The following ASL variants were observed in gnomAD, a reference collection of about 807,000 sequenced individuals.
ASL encodes the protein argininosuccinate lyase.
Under a neutral mutation model 69.1 loss-of-function variants are expected in ASL, and 51 were observed. That is an observed-to-expected ratio of 0.74 (90% confidence interval 0.59 to 0.93). The LOEUF (loss-of-function observed/expected upper bound fraction) is 0.93. Among genes scored for constraint, ASL ranks in the 40% least tolerant of loss-of-function variants. The pLI, the probability that ASL is intolerant of heterozygous loss-of-function variation, is 0.00. For missense variants in ASL, 540 were observed against 623.9 expected (o/e 0.87, Z 1.43); for synonymous variants, 241 against 247.6 (o/e 0.97, Z 0.25).
chr7:66,084,455 C>T (rs949932165), intron 6 of ASL, among the ~76,000 whole-genome samples: 1 of 152,112 alleles, frequency 6.6e-6, no homozygotes, highest in Middle Eastern at 3.4e-3. Flanking sequence ...AGCCACTGCG[C>T]TCAGCTTAAT....
At position 66,089,571 on chromosome 7, in the gene ASL, G is replaced by T. The variant is rs370109609; in HGVS notation, c.979-41G>T. ...GGGGCTGTGGGGACCCTGGGTGCCA[G>T]GGGGCTGCTAGGCCCTCACCTCCTG... On this transcript the variant is annotated intron_variant, in intron 13 of 16. Coordinates refer to ENST00000304874, the MANE Select transcript of ASL (RefSeq NM_000048.4). 53 of 1,607,190 alleles carry T rather than the reference G, an allele frequency of 3.3e-5. No individual in the cohort carries two copies. In the African/African-American group the frequency reaches 4.5e-4, roughly 14 times the overall value.
intron 6 of ASL, among the ~76,000 whole-genome samples, chr7:66,084,745 G>A (rs1323262141): frequency 2.0e-5 from 3 of 151,972 alleles, no homozygotes; most frequent in African/African-American, 4.8e-5. Context: ...TCAGCCTCCC[G>A]AGTAGCTGGG....
At chr7:66,089,783 G>T (rs770980513) in intron 14 of ASL, 88 bp downstream of exon 14, 3 of 1,453,250 alleles carry the variant, frequency 2.1e-6, no homozygotes, top group Non-Finnish European at 2.8e-6. Flanking sequence ...AGGAGGTGAG[G>T]TGGGGCTGGA....
At position 66,076,320 on chromosome 7, in the gene ASL, C is replaced by G. The variant is rs1144895; in HGVS notation, c.12+227C>G. 0.6 allele frequency among the ~76,000 whole-genome samples: 90,500 copies of G among 152,050 alleles called. 27,423 individuals carry two copies. Among genetic ancestry groups the G allele is most frequent in the African/African-American group, 0.69 (28,482 of 41,498 alleles). On this transcript the variant is annotated intron_variant, in intron 2 of 16. Transcript: ENST00000304874. ...GCAGGCAGCCCTTGTGGCAAACCCA[C>G]CAACCCACACTACTAGGGGTAGAGT...
intron 12 of ASL, 48 bp downstream of exon 12, chr7:66,089,223 G>C (rs1162007391): frequency 1.9e-6 from 3 of 1,612,072 alleles, no homozygotes; most frequent in Non-Finnish European, 2.5e-6. Flanking sequence ...GATGGTGGGT[G>C]GCCAGGGGGG....
intron 2 of ASL, among the ~76,000 whole-genome samples, chr7:66,078,998 C>T (rs1248113802): frequency 1.3e-5 from 2 of 152,150 alleles, no homozygotes; most frequent in African/African-American, 4.8e-5. Flanking sequence ...CAAGCTCCGC[C>T]TCCCGGGTTC....
chr7:66,078,177 G>A (rs746483185), intron 2 of ASL, among the ~76,000 whole-genome samples: 3 of 152,166 alleles, frequency 2.0e-5, no homozygotes, highest in Non-Finnish European at 4.4e-5. Flanking sequence ...TGGGGGAGGC[G>A]GTGCCAGGCT....
In ASL at chr7:66,092,634, G is replaced by A. The variant is rs1562745249; in HGVS notation, c.1221G>A (p.Gln407=). 6.2e-7 allele frequency: 1 copy of A among 1,613,618 alleles called. No homozygotes were observed. The highest frequency in any genetic ancestry group is 1.7e-5 in the Admixed American group (1 of 59,996). ...AGACCAAGGGGGTCGCCCTCAACCA[G>A]CTGTCACTGCAGGAGCTGCAGACCA... is the stretch of plus-strand genomic sequence containing the variant. ...MAETKGVALN[Q]LSLQELQTIS... is the part of the protein sequence containing the mutation. The change falls in exon 16 of 17, where the codon CAG becomes CAA. Residue 407 remains glutamine (Q), a synonymous_variant. Coordinates refer to ENST00000304874, the MANE Select transcript of ASL (RefSeq NM_000048.4).
rs1024634247 is a variant in ASL, at chr7:66,088,745, C to A, written c.719-62C>A. ...CCCACCGCCTAACCTCCTCCTGCCC[C>A]CTGTATGGTCAGGCTGGGTGGGGAT... is the stretch of plus-strand genomic sequence containing the variant. On this transcript the variant is annotated intron_variant, in intron 10 of 16. Coordinates refer to ENST00000304874, the MANE Select transcript of ASL (RefSeq NM_000048.4). 3.7e-5 allele frequency: 53 copies of A among 1,431,932 alleles called. 1 individual carries two copies. The African/African-American group carries it at 7.3e-4, about 20-fold the overall frequency. 88.7% of individuals were successfully genotyped at this position (1,431,932 alleles called of 1,614,324 possible).
chr7:66,092,928 C>G lies in ASL; in HGVS notation c.*16C>G. 6.2e-7 allele frequency: 1 copy of G among 1,601,020 alleles called. No individual in the cohort carries two copies. Among genetic ancestry groups the G allele is most frequent in the East Asian group, 2.2e-5 (1 of 44,742 alleles). On this transcript the variant is annotated 3_prime_UTR_variant, in exon 17 of 17. Coordinates refer to ENST00000304874, the MANE Select transcript of ASL (RefSeq NM_000048.4). ...GCAGGCCTAGGTCCTCCCACACCTG[C>G]CCCCTAATAAAGTGGGCGCGAGAGG...
rs566034012 is a variant in ASL, at chr7:66,084,162, TTG to T, written c.446+990_446+991del. Among the ~76,000 whole-genome samples the T allele has an allele frequency of 4.2e-3, 640 of 151,202 alleles. 6 individuals carry two copies. Among genetic ancestry groups the T allele is most frequent in the African/African-American group, 0.013 (553 of 41,102 alleles). Reference sequence around the variant, plus strand: ...AATTTTTTGTTGTTGTTGTTTGTTGTTGTTTTTTTTTTTTTGAGACAGGGTTT... The same window carrying T: ...AATTTTTTGTTGTTGTTGTTTGTTGTTTTTTTTTTTTTTGAGACAGGGTTT... On this transcript the variant is annotated intron_variant, in intron 6 of 16. Coordinates refer to ENST00000304874, the MANE Select transcript of ASL (RefSeq NM_000048.4).
Position 66,089,140 on chromosome 7 carries a change from C to A in ASL, c.883C>A (p.Leu295Met). The change falls in exon 12 of 17, where the codon CTG becomes ATG. Residue 295 changes from leucine (L) to methionine (M), a missense_variant. Transcript: ENST00000304874. Reference sequence around the variant, plus strand: ...GAAGAAAAACCCCGACAGTTTGGAGCTGATCCGGAGCAAGGCTGGGCGTGT... The same window carrying A: ...GAAGAAAAACCCCGACAGTTTGGAGATGATCCGGAGCAAGGCTGGGCGTGT... Reference protein sequence around the residue: ...PQKKNPDSLELIRSKAGRVFG... With the variant: ...PQKKNPDSLEMIRSKAGRVFG... 1 of 1,614,004 alleles carries A rather than the reference C, an allele frequency of 6.2e-7. No individual in the cohort carries two copies. Among genetic ancestry groups the A allele is most frequent in the Non-Finnish European group, 8.5e-7 (1 of 1,179,964 alleles).
rs1434980891 is a variant in ASL at position 66,091,966 on chromosome 7, G to A, written c.1063-40G>A. 4 of 1,610,246 alleles carry A rather than the reference G, an allele frequency of 2.5e-6. No individual in the cohort carries two copies. The African/African-American group carries it at 5.3e-5, about 21-fold the overall frequency. On this transcript the variant is annotated intron_variant, in intron 14 of 16. Coordinates refer to ENST00000304874, the MANE Select transcript of ASL (RefSeq NM_000048.4). ...CTGGGCCTGGCAGCTTCAGATCCCAGGGTCCCCAGGGCTCACCACTCGCCC... is the reference window on the plus strand; with the variant it reads ...CTGGGCCTGGCAGCTTCAGATCCCAAGGTCCCCAGGGCTCACCACTCGCCC...
In ASL at chr7:66,083,833, G is replaced by A. The variant is rs1480727184; in HGVS notation, c.446+659G>A. On this transcript the variant is annotated intron_variant, in intron 6 of 16. Transcript: ENST00000304874. Reference sequence around the variant, plus strand: ...CCCCAGATCCCCCATCCTAAGCTTCGCCTCCCCATCCAGCCCATCTGGCAA... The same window carrying A: ...CCCCAGATCCCCCATCCTAAGCTTCACCTCCCCATCCAGCCCATCTGGCAA... Among the ~76,000 whole-genome samples the A allele has an allele frequency of 3.9e-5, 6 of 151,948 alleles. No individual in the cohort carries two copies. In the South Asian group the frequency reaches 8.3e-4, roughly 21 times the overall value.
At chr7:66,089,243 G>C (rs756280770) in intron 12 of ASL, 33 bp from the exon 13 acceptor site, 16 of 1,611,080 alleles carry the variant, frequency 9.9e-6, no homozygotes, top group Non-Finnish European at 1.4e-5. Context: ...GCAGGATCCC[G>C]GGTCCAGCCC....
At chr7:66,091,935 C>G in intron 14 of ASL, 71 bp from the exon 15 acceptor site, 1 of 1,525,380 alleles carries the variant, frequency 6.6e-7, no homozygotes, top group South Asian at 1.1e-5. Flanking sequence ...GGCAGAGGGG[C>G]AGGTCCTGGG....
rs374707334 is a variant in ASL, at chr7:66,076,409, C to A, written c.12+316C>A. ...GGAAAAGTGGCTCCCAAGCCTTCAG[C>A]CTTCCAACTCTTCCTTCCTTCTTAC... On this transcript the variant is annotated intron_variant, in intron 2 of 16. Transcript: ENST00000304874. 7.2e-5 allele frequency among the ~76,000 whole-genome samples: 11 copies of A among 152,342 alleles called. No homozygotes were observed. In the South Asian group the frequency reaches 8.3e-4, roughly 11 times the overall value.
At chr7:66,091,148 A>C (rs780892231) in intron 14 of ASL, among the ~76,000 whole-genome samples, 228 of 151,704 alleles carry the variant, frequency 1.5e-3, no homozygotes, top group Non-Finnish European at 2.0e-3. Context: ...TAGTCCCCCA[A>C]CTAGCAGCAC....
At chr7:66,088,626 G>A (rs528115065) in intron 10 of ASL, among the ~76,000 whole-genome samples, 181 bp from the exon 11 acceptor site, 127 of 152,300 alleles carry the variant, frequency 8.3e-4, no homozygotes, top group Non-Finnish European at 1.6e-3. Flanking sequence ...GGAGGCCAAA[G>A]CAGAAGGATT....
Sources: allele counts gnomAD v4.1 joint callset (sites outside exome capture counted in the v4.1 genomes callset), GRCh38; gene constraint gnomAD v4.1.1; transcripts MANE v1.5; gene names NCBI Gene and HGNC (gene_info 2026-07-23, HGNC 2026-07-21).